The following NOS1 variants were observed in gnomAD, a reference collection of about 807,000 sequenced individuals.
The protein encoded by NOS1 is nitric oxide synthase 1.
A neutral mutation model predicts 164.5 loss-of-function variants in NOS1; 51 were observed. The ratio of observed to expected loss-of-function variants is 0.31; its 90% CI spans 0.25 to 0.39. NOS1 has a LOEUF of 0.39. Ranked by LOEUF, NOS1 falls within the 10% of genes least tolerant of loss-of-function variation. NOS1 has a pLI of 1.00. For missense variants in NOS1, 1,362 were observed against 1,885.6 expected (o/e 0.72, Z 5.14); for synonymous variants, 719 against 745.8 (o/e 0.96, Z 0.59).
At chr12:117,221,401 G>A (rs1416854491) in intron 26 of NOS1, among the ~76,000 whole-genome samples, 3 of 151,128 alleles carry the variant, frequency 2.0e-5, no homozygotes, top group Non-Finnish European at 4.4e-5. Flanking sequence ...CACCCACCTC[G>A]GCCTCCCAAA....
intron 7 of NOS1, among the ~76,000 whole-genome samples, chr12:117,284,067 G>A (rs2136016279): frequency 6.6e-6 from 1 of 152,218 alleles, no homozygotes; most frequent in East Asian, 1.9e-4. Context: ...TTTCTTACTG[G>A]TGGACTCAGA....
At chr12:117,286,647 G>A (rs1874142430) in intron 5 of NOS1, among the ~76,000 whole-genome samples, 1 of 152,164 alleles carries the variant, frequency 6.6e-6, no homozygotes, top group South Asian at 2.1e-4. Context: ...ATTTTTAAAT[G>A]TTGGCAATGA....
At chr12:117,309,930 G>T (rs966929615) in intron 3 of NOS1, among the ~76,000 whole-genome samples, 1 of 152,136 alleles carries the variant, frequency 6.6e-6, no homozygotes, top group Non-Finnish European at 1.5e-5. Context: ...ACAGGGTCTC[G>T]CTCTGTTGCC....
At position 117,209,144 on chromosome 12, in the gene NOS1, G is replaced by C; in HGVS notation, c.*6165C>G. On this transcript the variant is annotated 3_prime_UTR_variant, in exon 29 of 29. Coordinates refer to ENST00000317775, the MANE Select transcript of NOS1 (RefSeq NM_000620.5). ...GGGCTAGGCAAAGTTTCTGCTGCGT[G>C]CTCCAGGAAATCTATAATGAGAAGT... 1 of 985,406 alleles carries C rather than the reference G, an allele frequency of 1.0e-6. No homozygotes were observed. Among genetic ancestry groups the C allele is most frequent in the Non-Finnish European group, 1.2e-6 (1 of 829,956 alleles). The allele number at this position is 985,406 out of a possible 1,614,324, so 61.0% of individuals were successfully genotyped here. A position where few individuals can be genotyped will look rare whatever the true frequency, so the allele number is the denominator to read the frequency against.
chr12:117,214,159 AT>A lies in NOS1; in HGVS notation c.*1149del. On this transcript the variant is annotated 3_prime_UTR_variant, in exon 29 of 29. Coordinates refer to ENST00000317775, the MANE Select transcript of NOS1 (RefSeq NM_000620.5). ...CACTTTAACCAGCTTCCATTATTTC[AT>A]CCCCAAGGGTGAAGCAGCAAGCCCG... is the stretch of plus-strand genomic sequence containing the variant. 1.0e-6 allele frequency: 1 copy of A among 985,358 alleles called. No individual in the cohort carries two copies. The highest frequency in any genetic ancestry group is 1.2e-6 in the Non-Finnish European group (1 of 829,932). 61.0% of individuals were successfully genotyped at this position (985,358 alleles called of 1,614,324 possible).
intron 16 of NOS1, chr12:117,256,106 C>G: frequency 1.2e-6 from 1 of 805,408 alleles, no homozygotes. Context: ...TGCTGGGAGG[C>G]CATCTAGGAT....
chr12:117,272,287 G>A lies in NOS1; in HGVS notation c.1839+98C>T. On this transcript the variant is annotated intron_variant, in intron 10 of 28. Coordinates refer to ENST00000317775, the MANE Select transcript of NOS1 (RefSeq NM_000620.5). The surrounding 1 kb of genome is among the most constrained non-coding windows in gnomAD (Gnocchi z 4.3). ...TGCAATTCTATTCTAACCCCTTCAA[G>A]TTTCCAAGCCACCAAGCTCGCCGTG... 1 of 1,370,838 alleles carries A rather than the reference G, an allele frequency of 7.3e-7. No individual in the cohort carries two copies. Among genetic ancestry groups the A allele is most frequent in the Admixed American group, 1.9e-5 (1 of 52,888 alleles). 84.9% of individuals were successfully genotyped at this position (1,370,838 alleles called of 1,614,324 possible).
chr12:117,280,653 C>T, intron 8 of NOS1, 72 bp downstream of exon 8: 5 of 1,442,898 alleles, frequency 3.5e-6, no homozygotes, highest in Non-Finnish European at 3.7e-6. Flanking sequence ...TAGCATTAAG[C>T]CCGAAAAAGT....
chr12:117,331,015 G>A lies in NOS1; in HGVS notation c.55C>T (p.Arg19Cys), dbSNP rs78402290. 526 of 1,614,008 alleles carry A rather than the reference G, an allele frequency of 3.3e-4. No individual in the cohort carries two copies. Among genetic ancestry groups the A allele is most frequent in the Non-Finnish European group, 4.1e-4 (482 of 1,180,032 alleles). ...CCCCCAACTTTGCGCTTGAAGAGAC[G>A]AACAGAAATGACATTGGGCTGGATT... ...QQIQPNVISVRLFKRKVGGLG... is the reference protein window; with the variant it reads ...QQIQPNVISVCLFKRKVGGLG... The change falls in exon 2 of 29, where the codon CGT becomes TGT. Residue 19 changes from arginine to cysteine, a missense_variant. By Grantham distance (180) the Arg-to-Cys change is radical. Transcript: ENST00000317775.
At chr12:117,321,537 C>T (rs544253468) in intron 2 of NOS1, among the ~76,000 whole-genome samples, 15 of 152,186 alleles carry the variant, frequency 9.9e-5, no homozygotes, top group Non-Finnish European at 1.3e-4. Context: ...CCTGGCAAGA[C>T]GGCAGGGACA....
intron 17 of NOS1, among the ~76,000 whole-genome samples, chr12:117,250,078 A>C (rs1185066951): frequency 2.0e-5 from 3 of 152,124 alleles, no homozygotes; most frequent in African/African-American, 7.2e-5. Context: ...AAATGGTAAC[A>C]GATTGAGATG....
Position 117,213,784 on chromosome 12 carries a change from A to G in NOS1, c.*1525T>C. 1 of 985,426 alleles carries G rather than the reference A, an allele frequency of 1.0e-6. No homozygotes were observed. The highest frequency in any genetic ancestry group is 1.2e-6 in the Non-Finnish European group (1 of 829,940). 61.0% of individuals were successfully genotyped at this position (985,426 alleles called of 1,614,324 possible). A position where few individuals can be genotyped will look rare whatever the true frequency, so the allele number is the denominator to read the frequency against. On this transcript the variant is annotated 3_prime_UTR_variant, in exon 29 of 29. Coordinates refer to ENST00000317775, the MANE Select transcript of NOS1 (RefSeq NM_000620.5). The stretch of plus-strand genomic sequence containing the variant: ...TGGGGACCCTGCAGTCTGGGAGGCC[A>G]CTAGGATTTCTTGTCTCTTTCTGGG...
intron 6 of NOS1, 100 bp downstream of exon 6, chr12:117,286,004 T>A: frequency 7.5e-7 from 1 of 1,334,598 alleles, no homozygotes; most frequent in Non-Finnish European, 1.0e-6. Context: ...GGCTACCAGG[T>A]ACCCTTGGTA....
rs779421792 is a variant in NOS1 at position 117,260,492 on chromosome 12, C to G, written c.2340G>C (p.Glu780Asp). The G allele has an allele frequency of 6.2e-7, 1 of 1,613,952 alleles. No homozygotes were observed. Among genetic ancestry groups the G allele is most frequent in the African/African-American group, 1.3e-5 (1 of 74,914 alleles). ...TGGCATCAAAGGCGTGTTTGAAGATCTCACACAAGGTCTTGGCATAAGCTT... is the reference window on the plus strand; with the variant it reads ...TGGCATCAAAGGCGTGTTTGAAGATGTCACACAAGGTCTTGGCATAAGCTT... ...KSQAYAKTLC[E>D]IFKHAFDAKV... is the part of the protein sequence containing the mutation. The change falls in exon 14 of 29, where the codon GAG becomes GAC. Residue 780 changes from glutamate (E) to aspartate (D), a missense_variant. Physicochemically the swap from Glu to Asp is conservative, Grantham distance 45. Coordinates refer to ENST00000317775, the MANE Select transcript of NOS1 (RefSeq NM_000620.5).
chr12:117,333,492 C>G (rs1875646037), intron 1 of NOS1, among the ~76,000 whole-genome samples: 1 of 152,156 alleles, frequency 6.6e-6, no homozygotes, highest in South Asian at 2.1e-4. Context: ...TGCAGAGACC[C>G]CTCCCAGAGG....
At chr12:117,335,052 A>G (rs1875739709) in intron 1 of NOS1, among the ~76,000 whole-genome samples, 1 of 152,180 alleles carries the variant, frequency 6.6e-6, no homozygotes, top group South Asian at 2.1e-4. Context: ...AGTAACGGGG[A>G]GGGTTAAATG....
intron 1 of NOS1, among the ~76,000 whole-genome samples, chr12:117,335,289 G>C (rs1398075618): frequency 6.6e-6 from 1 of 152,120 alleles, no homozygotes; most frequent in Non-Finnish European, 1.5e-5. Context: ...TGGGTGGGGG[G>C]CACCGTCTAG....
In NOS1 at chr12:117,208,934, G is replaced by A. The variant is rs1956486265; in HGVS notation, c.*6375C>T. ...GACGAGGTTTTGCCATGTTAGCCAG[G>A]TTGGTCTCTAACTCCCAGCCTCAAG... On this transcript the variant is annotated 3_prime_UTR_variant, in exon 29 of 29. Coordinates refer to ENST00000317775, the MANE Select transcript of NOS1 (RefSeq NM_000620.5). The A allele has an allele frequency of 2.7e-6, 2 of 745,036 alleles. No homozygotes were observed. Among genetic ancestry groups the A allele is most frequent in the Admixed American group, 6.3e-5 (1 of 15,926 alleles). The allele number at this position is 745,036 out of a possible 1,614,324, so 46.2% of individuals were successfully genotyped here.
intron 7 of NOS1, among the ~76,000 whole-genome samples, chr12:117,283,640 G>C (rs1185145424): frequency 6.6e-6 from 1 of 151,990 alleles, no homozygotes; most frequent in African/African-American, 2.4e-5. Flanking sequence ...GTAGATAGCT[G>C]AGGTCAGGAG....
Sources: allele counts gnomAD v4.1 joint callset (sites outside exome capture counted in the v4.1 genomes callset), GRCh38; gene constraint gnomAD v4.1.1; non-coding constraint Gnocchi (gnomAD v3.1); transcripts MANE v1.5; gene names NCBI Gene and HGNC (gene_info 2026-07-23, HGNC 2026-07-21).